Variants in TMEM108 observed in about 807,000 individuals in gnomAD.
TMEM108 encodes cancer/testis antigen 124.
In TMEM108, 12 loss-of-function variants were observed where a neutral mutation model predicts 35.1. That is an observed-to-expected ratio of 0.34 (90% confidence interval 0.22 to 0.55). The LOEUF (loss-of-function observed/expected upper bound fraction) is 0.55. Among genes scored for constraint, TMEM108 ranks in the 20% least tolerant of loss-of-function variants. The pLI is 0.89. For synonymous variants in TMEM108, 287 were observed against 308.6 expected, an observed-to-expected ratio of 0.93 and a Z score of 0.73; for missense variants, 680 against 753.3, an observed-to-expected ratio of 0.90 and a Z score of 1.14.
intron 2 of TMEM108, among the ~76,000 whole-genome samples, chr3:133,080,559 T>C (rs963733994): frequency 3.9e-5 from 6 of 152,228 alleles, no homozygotes; most frequent in African/African-American, 1.2e-4. Flanking sequence ...CAGAGCTCTT[T>C]AGTCAGAATT....
chr3:133,266,240 T>A lies in TMEM108; in HGVS notation c.40+36889T>A, dbSNP rs114685094. On this transcript the variant is annotated intron_variant, in intron 3 of 5. Transcript: ENST00000321871. ...GTTTGTTTTACTAATTGTATTCTTATAAACCACCTATCTCCCTTGGGGCAT... is the reference window on the plus strand; with the variant it reads ...GTTTGTTTTACTAATTGTATTCTTAAAAACCACCTATCTCCCTTGGGGCAT... 6.8e-3 allele frequency among the ~76,000 whole-genome samples: 1,031 copies of A among 152,326 alleles called. 16 individuals carry two copies. Among genetic ancestry groups the A allele is most frequent in the African/African-American group, 0.023 (968 of 41,564 alleles).
chr3:133,328,460 T>C (rs2071356846), intron 3 of TMEM108, among the ~76,000 whole-genome samples: 1 of 152,320 alleles, frequency 6.6e-6, no homozygotes, highest in South Asian at 2.1e-4. Flanking sequence ...TGATTAGTTT[T>C]TTCTGTTTCT....
chr3:133,166,656 T>C (rs547333596), intron 2 of TMEM108, among the ~76,000 whole-genome samples: 2 of 152,172 alleles, frequency 1.3e-5, no homozygotes, highest in African/African-American at 4.8e-5. Flanking sequence ...AGTTGTTCAT[T>C]CCTCCCGGTG....
At position 133,133,247 on chromosome 3, in the gene TMEM108, T is replaced by C. The variant is rs139811482; in HGVS notation, c.-47+87227T>C. ...GTGGCAAACTTTATTGTTTAAGAAA[T>C]TGCCACAGCCACCCCAAACTTCAGC... On this transcript the variant is annotated intron_variant, in intron 2 of 5. Transcript: ENST00000321871. Among the ~76,000 whole-genome samples, 729 of 152,244 alleles carry C rather than the reference T, an allele frequency of 4.8e-3. 6 individuals carry two copies. Among genetic ancestry groups the C allele is most frequent in the Middle Eastern group, 0.031 (9 of 294 alleles).
At chr3:133,247,194 C>G (rs1946399376) in intron 3 of TMEM108, 1 of 152,182 alleles carries the variant, frequency 6.6e-6, no homozygotes, top group Admixed American at 6.5e-5. Context: ...GAAGACAGCC[C>G]TCCTTTAAAT....
intron 2 of TMEM108, among the ~76,000 whole-genome samples, chr3:133,206,481 G>T (rs1945756359): frequency 2.0e-5 from 3 of 152,104 alleles, no homozygotes; most frequent in Non-Finnish European, 4.4e-5. Context: ...GGATGGGATT[G>T]TTGTGTTGAC....
At chr3:133,095,215 T>C (rs982684026) in intron 2 of TMEM108, among the ~76,000 whole-genome samples, 1 of 152,154 alleles carries the variant, frequency 6.6e-6, no homozygotes, top group African/African-American at 2.4e-5. Context: ...TAATGGAGTA[T>C]AAGAGGATTA....
At chr3:133,323,222 T>TA (rs2071288193) in intron 3 of TMEM108, among the ~76,000 whole-genome samples, 1 of 152,132 alleles carries the variant, frequency 6.6e-6, no homozygotes, top group Admixed American at 6.6e-5. Context: ...GTCAAACTGT[T>TA]ACTGTTCCCC....
intron 2 of TMEM108, among the ~76,000 whole-genome samples, chr3:133,056,513 C>T (rs1026627999): frequency 2.6e-5 from 4 of 152,156 alleles, no homozygotes; most frequent in Non-Finnish European, 5.9e-5. Flanking sequence ...AGGGAACTGT[C>T]CTGCCCAGGT....
chr3:133,351,971 G>T (rs971922276), intron 3 of TMEM108, among the ~76,000 whole-genome samples: 1 of 152,156 alleles, frequency 6.6e-6, no homozygotes, highest in Non-Finnish European at 1.5e-5. Flanking sequence ...AAGCAAGGTT[G>T]AGAACTACTT....
intron 3 of TMEM108, among the ~76,000 whole-genome samples, chr3:133,296,755 G>A (rs1277892754): frequency 6.6e-6 from 1 of 152,172 alleles, no homozygotes; most frequent in Admixed American, 6.6e-5. Context: ...GGCATAGAAG[G>A]ATTAGGAGCA....
intron 2 of TMEM108, among the ~76,000 whole-genome samples, chr3:133,224,963 C>A (rs932106166): frequency 8.6e-5 from 13 of 151,856 alleles, no homozygotes; most frequent in Admixed American, 7.9e-4. Context: ...TCTTGTGTAT[C>A]GTCTCCTCAG....
chr3:133,241,062 G>A (rs927620136), intron 3 of TMEM108, among the ~76,000 whole-genome samples: 11 of 144,824 alleles, frequency 7.6e-5, no homozygotes, highest in East Asian at 4.7e-4. Context: ...GAGAACTGTC[G>A]TCTTTGTTAA....
intron 2 of TMEM108, among the ~76,000 whole-genome samples, chr3:133,084,829 G>T (rs1474834722): frequency 6.6e-6 from 1 of 152,190 alleles, no homozygotes; most frequent in African/African-American, 2.4e-5. Flanking sequence ...TGAGATCATA[G>T]AGTGGGAGTG....
chr3:133,174,040 C>A (rs377407258), intron 2 of TMEM108, among the ~76,000 whole-genome samples: 70 of 152,360 alleles, frequency 4.6e-4, no homozygotes, highest in Admixed American at 1.3e-3. Flanking sequence ...TATCCCGCTC[C>A]TGGCTCAGAG....
intron 3 of TMEM108, among the ~76,000 whole-genome samples, chr3:133,233,410 G>T (rs865913111): frequency 6.6e-6 from 1 of 152,146 alleles, no homozygotes; most frequent in African/African-American, 2.4e-5. Flanking sequence ...TGGTGTATAT[G>T]TGCCACATTT....
chr3:133,098,346 G>A (rs947639307), intron 2 of TMEM108, among the ~76,000 whole-genome samples: 1 of 152,104 alleles, frequency 6.6e-6, no homozygotes, highest in Admixed American at 6.6e-5. Context: ...TACCTCACCC[G>A]GGGTCCCTCC....
chr3:133,203,352 G>A (rs994251834), intron 2 of TMEM108, among the ~76,000 whole-genome samples: 1 of 152,112 alleles, frequency 6.6e-6, no homozygotes, highest in African/African-American at 2.4e-5. Flanking sequence ...GGTGAGAGAG[G>A]GCATCCTTGT....
intron 4 of TMEM108, among the ~76,000 whole-genome samples, chr3:133,384,000 G>A (rs2073081526): frequency 6.6e-6 from 1 of 152,170 alleles, no homozygotes; most frequent in Admixed American, 6.5e-5. Context: ...GGGCCATTAA[G>A]GTGGAAGAAT....
Sources: allele counts gnomAD v4.1 joint callset (sites outside exome capture counted in the v4.1 genomes callset), GRCh38; gene constraint gnomAD v4.1.1; transcripts MANE v1.5; gene names NCBI Gene and HGNC (gene_info 2026-07-23, HGNC 2026-07-21).